CDC6: variants seen among roughly 807,000 people sequenced by gnomAD.
CDC6 encodes DNA replication factor CDC6.
Under a neutral mutation model 60.2 loss-of-function variants are expected in CDC6, and 46 were observed. The ratio of observed to expected loss-of-function variants is 0.76; its 90% CI spans 0.60 to 0.98. The LOEUF (loss-of-function observed/expected upper bound fraction) is 0.98. CDC6 is among the 50% of genes least tolerant of loss of function. The pLI is 0.00. For missense variants in CDC6, 596 were observed against 652.9 expected (o/e 0.91, Z 0.95); for synonymous variants, 210 against 233.2 (o/e 0.90, Z 0.90).
chr17:40,301,842 A>G (rs1028233540), intron 11 of CDC6, 70 bp from the exon 12 acceptor site: 11 of 1,069,510 alleles, frequency 1.0e-5, no homozygotes, highest in Middle Eastern at 2.4e-4. Flanking sequence ...AATATGGTAG[A>G]AGTTTGTATA....
intron 2 of CDC6, 51 bp downstream of exon 2, chr17:40,289,649 T>G: frequency 6.8e-7 from 1 of 1,472,538 alleles, no homozygotes; most frequent in Non-Finnish European, 9.5e-7. Flanking sequence ...GACCTTTCTT[T>G]TCTTGGTAAG....
At chr17:40,296,816 C>A in intron 9 of CDC6, 49 bp downstream of exon 9, 1 of 1,181,860 alleles carries the variant, frequency 8.5e-7, no homozygotes, top group Non-Finnish European at 1.3e-6. Context: ...AGAAGCTTAG[C>A]TTTTCTGAGG....
chr17:40,298,984 C>A (rs2032897899), intron 9 of CDC6, among the ~76,000 whole-genome samples: 1 of 152,056 alleles, frequency 6.6e-6, no homozygotes, highest in Non-Finnish European at 1.5e-5. Flanking sequence ...CATTAGTCCT[C>A]TGCAGCATCC....
intron 8 of CDC6, among the ~76,000 whole-genome samples, chr17:40,296,418 C>A (rs1388789139): frequency 6.6e-6 from 1 of 152,062 alleles, no homozygotes; most frequent in Non-Finnish European, 1.5e-5. Context: ...TAGGAGGAAA[C>A]CATTGAAGTT....
intron 7 of CDC6, among the ~76,000 whole-genome samples, chr17:40,295,122 A>G (rs1378480986): frequency 6.6e-6 from 1 of 152,188 alleles, no homozygotes; most frequent in Non-Finnish European, 1.5e-5. Flanking sequence ...TGCTAATTTC[A>G]GTTCTGATTG....
chr17:40,288,616 G>A (rs1480685568), intron 1 of CDC6, among the ~76,000 whole-genome samples: 1 of 127,168 alleles, frequency 7.9e-6, no homozygotes, highest in African/African-American at 3.1e-5. Flanking sequence ...ACGGAGTCTC[G>A]CTCGGTCTCC....
intron 4 of CDC6, 133 bp downstream of exon 4, chr17:40,291,801 A>G (rs1218157852): frequency 2.2e-6 from 2 of 890,336 alleles, no homozygotes; most frequent in East Asian, 5.1e-5. Flanking sequence ...GCTGTAGTGC[A>G]GTGGCGCGAT....
At position 40,294,252 on chromosome 17, in the gene CDC6, A is replaced by C. The variant is rs1212526875; in HGVS notation, c.944-112A>C. On this transcript the variant is annotated intron_variant, in intron 6 of 11. Transcript: ENST00000209728. The stretch of plus-strand genomic sequence containing the variant: ...ATGGGGTAGGAGACAAGTGGCAAGC[A>C]ACAATTAGAATGCTAGATTCTATAA... 3.0e-6 allele frequency: 3 copies of C among 989,790 alleles called. No homozygotes were observed. In the African/African-American group the frequency reaches 4.8e-5, roughly 16 times the overall value. 61.3% of individuals were successfully genotyped at this position (989,790 alleles called of 1,614,324 possible).
intron 2 of CDC6, 86 bp downstream of exon 2, chr17:40,289,684 C>T (rs4135000): frequency 1.0e-5 from 7 of 672,440 alleles, no homozygotes; most frequent in Non-Finnish European, 1.9e-5. Context: ...AAGGAGCTTT[C>T]TAAGTTCAGT....
At chr17:40,296,077 G>A (rs1257853578) in intron 8 of CDC6, among the ~76,000 whole-genome samples, 1 of 152,128 alleles carries the variant, frequency 6.6e-6, no homozygotes. Context: ...CTTCCTGTGG[G>A]CAAGTACTTT....
At position 40,293,494 on chromosome 17, in the gene CDC6, C is replaced by T; in HGVS notation, c.699C>T (p.Cys233=). The T allele has an allele frequency of 5.0e-6, 8 of 1,613,994 alleles. No homozygotes were observed. The highest frequency in any genetic ancestry group is 6.8e-6 in the Non-Finnish European group (8 of 1,179,918). ...GCTTTAAAACTATCATGCTGAATTG[C>T]ATGTCCTTGAGGACTGCCCAGGCTG... The part of the protein sequence containing the change: ...LKGFKTIMLN[C]MSLRTAQAVF... Residue 233 remains cysteine, a synonymous_variant, in exon 5 of 12, where the codon TGC becomes TGT. Coordinates refer to ENST00000209728, the MANE Select transcript of CDC6 (RefSeq NM_001254.4).
rs2032716026 is a variant in CDC6 at position 40,289,445 on chromosome 17, C to G, written c.25C>G (p.Gln9Glu). ...CATGCCTCAAACCCGATCCCAGGCA[C>G]AGGCTACAATCAGTTTTCCAAAAAG... MPQTRSQA[Q>E]ATISFPKRKL... Residue 9 changes from glutamine (Q) to glutamate (E), a missense_variant, in exon 2 of 12, where the codon CAG (glutamine) becomes GAG (glutamate). Gln to Glu is a conservative substitution (Grantham distance 29). Coordinates refer to ENST00000209728, the MANE Select transcript of CDC6 (RefSeq NM_001254.4). 6.2e-7 allele frequency: 1 copy of G among 1,613,858 alleles called. No homozygotes were observed. Among genetic ancestry groups the G allele is most frequent in the African/African-American group, 1.3e-5 (1 of 74,852 alleles).
intron 2 of CDC6, 130 bp downstream of exon 2, chr17:40,289,728 A>C: frequency 1.8e-6 from 1 of 557,958 alleles, no homozygotes; most frequent in Middle Eastern, 5.3e-4. Context: ...TTTTTTTTTG[A>C]GACAGAGTCT....
chr17:40,288,366 C>T (rs1243550906), intron 1 of CDC6, among the ~76,000 whole-genome samples: 1 of 151,670 alleles, frequency 6.6e-6, no homozygotes, highest in Non-Finnish European at 1.5e-5. Flanking sequence ...GATAAAGACA[C>T]CCCGCGTGCC....
At chr17:40,291,709 A>G in intron 4 of CDC6, 41 bp downstream of exon 4, 1 of 1,541,920 alleles carries the variant, frequency 6.5e-7, no homozygotes, top group Non-Finnish European at 9.0e-7. Flanking sequence ...TGGTAAAATG[A>G]TACTTGGGTG....
At position 40,301,495 on chromosome 17, in the gene CDC6, C is replaced by G; in HGVS notation, c.1480C>G (p.Arg494Gly). Residue 494 changes from arginine (R) to glycine (G), a missense_variant, in exon 11 of 12, where the codon CGC (arginine) becomes GGC (glycine). Physicochemically the swap from Arg to Gly is moderately radical, Grantham distance 125 (BLOSUM62 -2). Transcript: ENST00000209728. ...KLYEAYSKVC[R>G]KQQVAAVDQS... is the part of the protein sequence containing the mutation. ...ATATGAAGCCTACAGTAAAGTCTGT[C>G]GCAAACAGCAGGTGGCGGCTGTGGA... is the stretch of plus-strand genomic sequence containing the variant. 8 of 1,613,950 alleles carry G rather than the reference C, an allele frequency of 5.0e-6. No homozygotes were observed. The highest frequency in any genetic ancestry group is 6.8e-6 in the Non-Finnish European group (8 of 1,179,822).
chr17:40,293,435 T>C, intron 4 of CDC6, 21 bp from the exon 5 acceptor site: 1 of 1,610,000 alleles, frequency 6.2e-7, no homozygotes, highest in Non-Finnish European at 8.5e-7. Context: ...ATAACTCCCA[T>C]ATTTGCATTT....
intron 4 of CDC6, among the ~76,000 whole-genome samples, 177 bp from the exon 5 acceptor site, chr17:40,293,279 T>C (rs1041429934): frequency 6.6e-6 from 1 of 152,048 alleles, no homozygotes; most frequent in Non-Finnish European, 1.5e-5. Context: ...AGAGTAGAAG[T>C]TTAGAAGATT....
In CDC6 at chr17:40,293,695, T is replaced by A; in HGVS notation, c.836+64T>A. The A allele has an allele frequency of 3.9e-6, 5 of 1,283,484 alleles. No individual in the cohort carries two copies. In the Admixed American group the frequency reaches 8.5e-5, roughly 22 times the overall value. The allele number at this position is 1,283,484 out of a possible 1,614,324, so 79.5% of individuals were successfully genotyped here. ...TGCAAGGTCTGTTGCCCATAAAAAG[T>A]ACATTTTGTATATTTTCTCTCTGAA... is the stretch of plus-strand genomic sequence containing the variant. On this transcript the variant is annotated intron_variant, in intron 5 of 11. Transcript: ENST00000209728.
Sources: allele counts gnomAD v4.1 joint callset (sites outside exome capture counted in the v4.1 genomes callset), GRCh38; gene constraint gnomAD v4.1.1; transcripts MANE v1.5; gene names NCBI Gene and HGNC (gene_info 2026-07-23, HGNC 2026-07-21).